KIRREL3: variants seen among roughly 807,000 people sequenced by gnomAD.
The protein encoded by KIRREL3 is kin of IRRE-like protein 3.
KIRREL3 carries 36 observed loss-of-function variants against 89.7 expected under a neutral mutation model. That is an observed-to-expected ratio of 0.40 (90% CI 0.31 to 0.53). The LOEUF (loss-of-function observed/expected upper bound fraction) is 0.53. KIRREL3 is among the 20% of genes least tolerant of loss of function. KIRREL3 has a pLI of 0.49. For synonymous variants in KIRREL3, 445 were observed against 441.4 expected, an observed-to-expected ratio of 1.01 and a Z score of -0.10; for missense variants, 864 against 1,056.6, an observed-to-expected ratio of 0.82 and a Z score of 2.53.
intron 11 of KIRREL3, 97 bp from the exon 12 acceptor site, chr11:126,437,106 G>T: frequency 8.7e-7 from 1 of 1,147,574 alleles, no homozygotes; most frequent in Non-Finnish European, 1.2e-6. Context: ...TCATGTTCAT[G>T]CTCACTGCCA....
intron 1 of KIRREL3, among the ~76,000 whole-genome samples, chr11:126,952,356 G>C (rs1193199316): frequency 6.6e-6 from 1 of 152,064 alleles, no homozygotes; most frequent in Admixed American, 6.5e-5. Context: ...CTGCATGCCA[G>C]ACTGGGCGAA....
chr11:126,873,550 A>G (rs1945177218), intron 1 of KIRREL3, among the ~76,000 whole-genome samples: 1 of 152,238 alleles, frequency 6.6e-6, no homozygotes, highest in Non-Finnish European at 1.5e-5. Flanking sequence ...TGCTCACAAG[A>G]GTCAAGCATA....
At chr11:126,957,324 A>T (rs954203428) in intron 1 of KIRREL3, among the ~76,000 whole-genome samples, 1 of 152,212 alleles carries the variant, frequency 6.6e-6, no homozygotes, top group Non-Finnish European at 1.5e-5. Context: ...CTAATTGATG[A>T]TTACATTTCA....
intron 1 of KIRREL3, among the ~76,000 whole-genome samples, chr11:126,913,621 C>T (rs561384464): frequency 1.1e-4 from 16 of 152,210 alleles, no homozygotes; most frequent in African/African-American, 2.2e-4. Flanking sequence ...CTTCATCAAG[C>T]GGTACCTAAC....
intron 1 of KIRREL3, among the ~76,000 whole-genome samples, chr11:126,602,602 C>G (rs753241947): frequency 7.2e-5 from 11 of 152,186 alleles, no homozygotes; most frequent in Non-Finnish European, 1.2e-4. Context: ...GGCTTGAACG[C>G]CTCTGATCTC....
chr11:126,731,747 C>A (rs1278907274), intron 1 of KIRREL3, among the ~76,000 whole-genome samples: 2 of 152,220 alleles, frequency 1.3e-5, no homozygotes, highest in Non-Finnish European at 2.9e-5. Context: ...ATCTGGCTCC[C>A]AGTTAGAGAA....
At chr11:126,629,654 T>G (rs1943936627) in intron 1 of KIRREL3, among the ~76,000 whole-genome samples, 1 of 152,172 alleles carries the variant, frequency 6.6e-6, no homozygotes, top group Admixed American at 6.5e-5. Flanking sequence ...GGCTTCAGAT[T>G]GGGTCTGCCC....
At chr11:126,793,428 A>T (rs907848663) in intron 1 of KIRREL3, among the ~76,000 whole-genome samples, 1 of 152,252 alleles carries the variant, frequency 6.6e-6, no homozygotes, top group Non-Finnish European at 1.5e-5. Flanking sequence ...GTGCATGCTC[A>T]GCTAGAGGTC....
At chr11:126,690,096 C>T (rs558874021) in intron 1 of KIRREL3, among the ~76,000 whole-genome samples, 18 of 152,294 alleles carry the variant, frequency 1.2e-4, no homozygotes, top group African/African-American at 4.1e-4. Flanking sequence ...GTTTTCCCAG[C>T]GTCAGTCTCT....
rs567372958 is a variant in KIRREL3 at position 126,864,676 on chromosome 11, T to A, written c.55+135779A>T. 3.9e-5 allele frequency among the ~76,000 whole-genome samples: 6 copies of A among 152,370 alleles called. No individual in the cohort carries two copies. In the South Asian group the frequency reaches 6.2e-4, roughly 16 times the overall value. On this transcript the variant is annotated intron_variant, in intron 1 of 16. Transcript: ENST00000525144. ...ATTGAATTGCACTATGTGCTTCACA[T>A]GTATTCATCTCTCACTGTAAACCCA...
Position 126,508,781 on chromosome 11 carries a change from G to A in KIRREL3, c.433+12534C>T, listed in dbSNP as rs1027705414. 3.9e-5 allele frequency among the ~76,000 whole-genome samples: 6 copies of A among 152,208 alleles called. No homozygotes were observed. The highest frequency in any genetic ancestry group is 2.1e-4 in the South Asian group (1 of 4,812). On this transcript the variant is annotated intron_variant, in intron 4 of 16. Transcript: ENST00000525144. This position sits in a 1 kb window ranked among gnomAD's most constrained non-coding sequence, Gnocchi z 4.9. ...TGAGCCTCTATGTCTCAGCTTCCTC[G>A]TCCGTAAAAGGGGACACGGGACCTG...
chr11:126,515,677 C>G lies in KIRREL3; in HGVS notation c.433+5638G>C, dbSNP rs1010835415. Among the ~76,000 whole-genome samples, 3 of 152,020 alleles carry G rather than the reference C, an allele frequency of 2.0e-5. No homozygotes were observed. The highest frequency in any genetic ancestry group is 4.4e-5 in the Non-Finnish European group (3 of 68,000). ...AGGAGATGCCAGCTGCTTGTTAGTGCGGGAGCAGGTTGGCGGTGGGTCTGA... is the reference window on the plus strand; with the variant it reads ...AGGAGATGCCAGCTGCTTGTTAGTGGGGGAGCAGGTTGGCGGTGGGTCTGA... On this transcript the variant is annotated intron_variant, in intron 4 of 16. Transcript: ENST00000525144. The surrounding 1 kb of genome is among the most constrained non-coding windows in gnomAD (Gnocchi z 4.2).
Position 126,431,254 on chromosome 11 carries a change from A to G in KIRREL3, c.1696+165T>C, listed in dbSNP as rs1955116733. The G allele has an allele frequency of 1.3e-6, 2 of 1,532,554 alleles. No homozygotes were observed. The highest frequency in any genetic ancestry group is 4.0e-5 in the Admixed American group (2 of 50,518). 94.9% of individuals were successfully genotyped at this position (1,532,554 alleles called of 1,614,324 possible). On this transcript the variant is annotated intron_variant, in intron 14 of 16. Coordinates refer to ENST00000525144, the MANE Select transcript of KIRREL3 (RefSeq NM_032531.4). This position sits in a 1 kb window ranked among gnomAD's most constrained non-coding sequence, Gnocchi z 7.1. ...CACTCTGCCAGGCGCCATGTTGCCCAGGCTCACATACACCGATGCATCAGA... is the reference window on the plus strand; with the variant it reads ...CACTCTGCCAGGCGCCATGTTGCCCGGGCTCACATACACCGATGCATCAGA...
Position 126,900,120 on chromosome 11 carries a change from C to T in KIRREL3, c.55+100335G>A, listed in dbSNP as rs1025089706. 3.9e-5 allele frequency among the ~76,000 whole-genome samples: 6 copies of T among 152,226 alleles called. No individual in the cohort carries two copies. Among genetic ancestry groups the T allele is most frequent in the African/African-American group, 1.2e-4 (5 of 41,460 alleles). ...AATTGTTTTGCACAATGGAGACACA[C>T]TCCTTGGGTCAGGAAACTAAATGTG... On this transcript the variant is annotated intron_variant, in intron 1 of 16. Transcript: ENST00000525144. This position sits in a 1 kb window ranked among gnomAD's most constrained non-coding sequence, Gnocchi z 4.4.
intron 1 of KIRREL3, among the ~76,000 whole-genome samples, chr11:126,701,002 T>G (rs1947293714): frequency 6.6e-6 from 1 of 152,248 alleles, no homozygotes; most frequent in Admixed American, 6.5e-5. Flanking sequence ...GCCAGCCCAG[T>G]AGCCCATTCA....
chr11:126,928,673 C>CA (rs1224404146), intron 1 of KIRREL3, among the ~76,000 whole-genome samples: 8 of 152,152 alleles, frequency 5.3e-5, no homozygotes, highest in African/African-American at 1.9e-4. Context: ...CCCTCACCAG[C>CA]ATGACTGGGT....
Position 126,423,688 on chromosome 11 carries a change from A to T in KIRREL3, c.*892T>A, listed in dbSNP as rs1165023455. ...TCAAACGCCACACTTCCCAGGAAGC[A>T]CTCTCTCCATAAGTGTTCAGAGAAC... On this transcript the variant is annotated 3_prime_UTR_variant, in exon 17 of 17. Transcript: ENST00000525144. 6.6e-6 allele frequency: 1 copy of T among 151,740 alleles called. No homozygotes were observed. The highest frequency in any genetic ancestry group is 1.5e-5 in the Non-Finnish European group (1 of 67,970). The allele number at this position is 151,740 out of a possible 1,614,324, so 9.4% of individuals were successfully genotyped here. A position where few individuals can be genotyped will look rare whatever the true frequency, so the allele number is the denominator to read the frequency against.
chr11:126,762,017 A>G (rs922770254), intron 1 of KIRREL3, among the ~76,000 whole-genome samples: 1 of 152,054 alleles, frequency 6.6e-6, no homozygotes, highest in African/African-American at 2.4e-5. Flanking sequence ...TATCTCTACT[A>G]AAAATACAAA....
At position 126,485,000 on chromosome 11, in the gene KIRREL3, G is replaced by T. The variant is rs1160709454; in HGVS notation, c.434-11534C>A. Among the ~76,000 whole-genome samples the T allele has an allele frequency of 1.3e-5, 2 of 151,996 alleles. No individual in the cohort carries two copies. The highest frequency in any genetic ancestry group is 1.9e-4 in the East Asian group (1 of 5,184). On this transcript the variant is annotated intron_variant, in intron 4 of 16. Transcript: ENST00000525144. The surrounding 1 kb of genome is among the most constrained non-coding windows in gnomAD (Gnocchi z 5.2). ...CTGGCTGATATTTTTTGGTACTTTT[G>T]GTGGAGACGGGGTTTCGTCATGTTG...
Sources: allele counts gnomAD v4.1 joint callset (sites outside exome capture counted in the v4.1 genomes callset), GRCh38; gene constraint gnomAD v4.1.1; non-coding constraint Gnocchi (gnomAD v3.1); transcripts MANE v1.5; gene names NCBI Gene and HGNC (gene_info 2026-07-23, HGNC 2026-07-21).